The following CPED1 variants were observed in gnomAD, a reference collection of about 807,000 sequenced individuals.
The protein encoded by CPED1 is cadherin-like and PC-esterase domain-containing protein 1.
Under a neutral mutation model 128.2 loss-of-function variants are expected in CPED1, and 114 were observed. The ratio of observed to expected loss-of-function variants is 0.89; its 90% CI spans 0.76 to 1.04. CPED1 has a LOEUF of 1.04. Among genes scored for constraint, CPED1 ranks in the 50% least tolerant of loss-of-function variants. The pLI is 0.00. For synonymous variants in CPED1, 462 were observed against 426.7 expected (o/e 1.08, Z -1.02); for missense variants, 1,211 against 1,207.1 (o/e 1.00, Z -0.05).
chr7:121,282,536 T>C (rs1455658868), intron 22 of CPED1, among the ~76,000 whole-genome samples: 1 of 152,176 alleles, frequency 6.6e-6, no homozygotes, highest in Non-Finnish European at 1.5e-5. Context: ...TGTAGCTAAT[T>C]CCTTTTTCTC....
intron 12 of CPED1, among the ~76,000 whole-genome samples, chr7:121,131,810 A>G (rs1177649310): frequency 3.9e-5 from 6 of 152,154 alleles, no homozygotes; most frequent in African/African-American, 1.4e-4. Flanking sequence ...GCATTATACT[A>G]TGAACTATGT....
chr7:121,196,999 A>G (rs769269986), intron 16 of CPED1, among the ~76,000 whole-genome samples: 4 of 152,168 alleles, frequency 2.6e-5, no homozygotes, highest in Non-Finnish European at 5.9e-5. Flanking sequence ...ATAAATGTTG[A>G]TCAATGTTTG....
chr7:121,108,403 T>C (rs934039744), intron 7 of CPED1, among the ~76,000 whole-genome samples: 1 of 152,086 alleles, frequency 6.6e-6, no homozygotes, highest in Admixed American at 6.6e-5. Flanking sequence ...AAGAACACTT[T>C]GTAAAATTTA....
chr7:121,116,788 C>A (rs1269399872), intron 7 of CPED1, among the ~76,000 whole-genome samples: 1 of 151,762 alleles, frequency 6.6e-6, no homozygotes, highest in Non-Finnish European at 1.5e-5. Context: ...TTCTTAACCC[C>A]AAGTTTCTTC....
chr7:121,274,921 T>C (rs1445153535), intron 22 of CPED1, among the ~76,000 whole-genome samples: 2 of 152,134 alleles, frequency 1.3e-5, no homozygotes, highest in Non-Finnish European at 2.9e-5. Context: ...ATTCTGCTGA[T>C]AACCTTTTTT....
chr7:121,201,550 AG>A (rs1395762028), intron 16 of CPED1, among the ~76,000 whole-genome samples: 1 of 152,024 alleles, frequency 6.6e-6, no homozygotes, highest in African/African-American at 2.4e-5. Flanking sequence ...AAAGGAAGGA[AG>A]GAAGGAGAAA....
intron 2 of CPED1, among the ~76,000 whole-genome samples, chr7:120,994,426 G>T (rs1247925708): frequency 6.6e-6 from 1 of 152,124 alleles, no homozygotes; most frequent in Non-Finnish European, 1.5e-5. Context: ...AGAAATAAAA[G>T]CTTCTGTGAG....
At chr7:121,128,287 C>A (rs1054270784) in intron 10 of CPED1, 95 bp from the exon 11 acceptor site, 4 of 707,026 alleles carry the variant, frequency 5.7e-6, no homozygotes, top group Non-Finnish European at 1.0e-5. Flanking sequence ...TTATAGAACT[C>A]AAAATCTGAT....
chr7:121,069,379 A>G (rs1427737755), intron 5 of CPED1, among the ~76,000 whole-genome samples: 2 of 152,184 alleles, frequency 1.3e-5, no homozygotes, highest in African/African-American at 2.4e-5. Context: ...CCTTTTCCCC[A>G]TATAGACTTG....
intron 16 of CPED1, among the ~76,000 whole-genome samples, chr7:121,142,394 AT>A (rs1192859321): frequency 6.6e-6 from 1 of 151,982 alleles, no homozygotes; most frequent in Admixed American, 6.6e-5. Flanking sequence ...TTCAAAAAAA[AT>A]GTCTGAGGAC....
At chr7:121,067,868 T>A (rs1156343392) in intron 5 of CPED1, among the ~76,000 whole-genome samples, 1 of 152,240 alleles carries the variant, frequency 6.6e-6, no homozygotes, top group Non-Finnish European at 1.5e-5. Flanking sequence ...TGGCCAGTGA[T>A]GATGAGCATT....
At chr7:121,009,891 C>G (rs1221392908) in intron 2 of CPED1, among the ~76,000 whole-genome samples, 1 of 152,070 alleles carries the variant, frequency 6.6e-6, no homozygotes, top group African/African-American at 2.4e-5. Flanking sequence ...CTGAAATATT[C>G]TGGTAGATTT....
intron 7 of CPED1, among the ~76,000 whole-genome samples, chr7:121,105,533 C>T (rs1794954593): frequency 2.0e-5 from 3 of 152,080 alleles, no homozygotes. Flanking sequence ...GAATAAAAGT[C>T]TTCTCCTGAG....
intron 7 of CPED1, among the ~76,000 whole-genome samples, chr7:121,116,107 A>T (rs1360536649): frequency 6.6e-6 from 1 of 152,174 alleles, no homozygotes; most frequent in Non-Finnish European, 1.5e-5. Context: ...ATTCCCTTAT[A>T]TGCTTGTGGG....
At chr7:121,287,723 G>A (rs948910710) in intron 22 of CPED1, among the ~76,000 whole-genome samples, 4 of 151,874 alleles carry the variant, frequency 2.6e-5, no homozygotes, top group South Asian at 2.1e-4. Flanking sequence ...ATTCTTCTGC[G>A]ATTACAATTG....
At chr7:121,241,347 C>CAAAAAAAAAAAAAAAA in intron 17 of CPED1, among the ~76,000 whole-genome samples, 1 of 5,556 alleles carries the variant, frequency 1.8e-4, no homozygotes, top group African/African-American at 3.3e-4. Flanking sequence ...GACTCCGTCT[C>CAAAAAAAAAAAAAAAA]AAAAAAAAAA....
At chr7:121,241,208 C>A (rs1193684403) in intron 17 of CPED1, among the ~76,000 whole-genome samples, 1 of 97,802 alleles carries the variant, frequency 1.0e-5, no homozygotes, top group African/African-American at 4.1e-5. Flanking sequence ...ATTAGCCGGG[C>A]GTAGTGGCGG....
At chr7:121,040,101 C>T (rs1361100562) in intron 3 of CPED1, among the ~76,000 whole-genome samples, 1 of 152,046 alleles carries the variant, frequency 6.6e-6, no homozygotes, top group East Asian at 1.9e-4. Context: ...AGTAACATAA[C>T]ATTTTCATTA....
At chr7:121,104,093 C>T (rs919561827) in intron 7 of CPED1, among the ~76,000 whole-genome samples, 5 of 152,140 alleles carry the variant, frequency 3.3e-5, no homozygotes, top group East Asian at 3.9e-4. Context: ...GGGAAAAATT[C>T]GCAAATGTAA....
Sources: gnomAD v4.1 joint callset for allele counts (sites outside exome capture counted in the v4.1 genomes callset) on GRCh38, gnomAD v4.1.1 for gene constraint, MANE v1.5 for transcripts, NCBI Gene and HGNC (gene_info 2026-07-23, HGNC 2026-07-21) for gene names.